Variants in PARD3 observed in about 807,000 individuals in gnomAD.
The protein encoded by PARD3 is par-3 family cell polarity regulator, also known as partitioning defective 3 homolog.
A neutral mutation model predicts 155.4 loss-of-function variants in PARD3; 75 were observed. The observed-to-expected ratio is 0.48, with a 90% CI of 0.40 to 0.58. The LOEUF is 0.58. Ranked by LOEUF, PARD3 falls within the 20% of genes least tolerant of loss-of-function variation. PARD3 has a pLI of 0.00. For synonymous variants in PARD3, 576 were observed against 610.5 expected (o/e 0.94, Z 0.83); for missense variants, 1,642 against 1,721.7 (o/e 0.95, Z 0.82).
At chr10:34,468,122 T>C (rs1228079144) in intron 4 of PARD3, among the ~76,000 whole-genome samples, 5 of 152,058 alleles carry the variant, frequency 3.3e-5, no homozygotes, top group African/African-American at 2.4e-5. Flanking sequence ...TTCAGGCCCC[T>C]GGACTGCAGC....
chr10:34,240,542 T>G (rs1366745760), intron 22 of PARD3, among the ~76,000 whole-genome samples: 1 of 152,174 alleles, frequency 6.6e-6, no homozygotes, highest in Admixed American at 6.5e-5. Flanking sequence ...TCAGAAGGCA[T>G]GTGAAATTCT....
At chr10:34,770,373 C>A (rs1389026506) in intron 1 of PARD3, among the ~76,000 whole-genome samples, 1 of 152,218 alleles carries the variant, frequency 6.6e-6, no homozygotes, top group Non-Finnish European at 1.5e-5. Flanking sequence ...GGAGATGACA[C>A]CTCGAGCCCT....
chr10:34,473,717 T>C (rs1214949524), intron 3 of PARD3, among the ~76,000 whole-genome samples: 3 of 152,216 alleles, frequency 2.0e-5, no homozygotes, highest in African/African-American at 4.8e-5. Flanking sequence ...ACTACTGCCA[T>C]GGCAACACCT....
chr10:34,131,730 T>C, intron 22 of PARD3, 147 bp from the exon 23 acceptor site: 3 of 687,686 alleles, frequency 4.4e-6, no homozygotes, highest in Non-Finnish European at 7.4e-6. Flanking sequence ...ATTTAAAATA[T>C]GTTTTCATTT....
At chr10:34,377,936 C>A in intron 10 of PARD3, 31 bp downstream of exon 10, 1 of 1,477,110 alleles carries the variant, frequency 6.8e-7, no homozygotes, top group South Asian at 1.4e-5. Flanking sequence ...TTTCAAGAAT[C>A]AGGGAACATC....
chr10:34,459,712 C>T (rs546353019), intron 4 of PARD3, among the ~76,000 whole-genome samples: 9 of 151,670 alleles, frequency 5.9e-5, no homozygotes, highest in African/African-American at 2.2e-4. Context: ...AAATATTTTT[C>T]GTCTGAATTT....
Position 34,610,080 on chromosome 10 carries a change from A to C in PARD3, c.222+86238T>G, listed in dbSNP as rs536123002. ...CCTTTTATTGAAGCTCTGGTTATTC[A>C]TGATAGATTCATCCACATCTACTCT... On this transcript the variant is annotated intron_variant, in intron 2 of 24. Transcript: ENST00000374788. Among the ~76,000 whole-genome samples the C allele has an allele frequency of 1.2e-4, 19 of 152,326 alleles. 1 individual carries two copies. The East Asian group carries it at 3.7e-3, about 29-fold the overall frequency.
chr10:34,499,772 G>C (rs1455755264), intron 3 of PARD3, among the ~76,000 whole-genome samples: 1 of 152,192 alleles, frequency 6.6e-6, no homozygotes, highest in African/African-American at 2.4e-5. Context: ...ACAGGGCTGA[G>C]AAGAAAGGAG....
At chr10:34,218,361 C>T (rs942278788) in intron 22 of PARD3, among the ~76,000 whole-genome samples, 2 of 152,046 alleles carry the variant, frequency 1.3e-5, no homozygotes, top group Admixed American at 6.5e-5. Context: ...ATCTCATAAT[C>T]AACTTCTGTT....
chr10:34,683,484 C>G (rs766995927), intron 2 of PARD3, among the ~76,000 whole-genome samples: 2 of 150,674 alleles, frequency 1.3e-5, no homozygotes, highest in Non-Finnish European at 3.0e-5. Flanking sequence ...CAAGTAAAGA[C>G]AGCGTGAAGC....
At chr10:34,272,011 G>C (rs114236003) in intron 21 of PARD3, among the ~76,000 whole-genome samples, 1 of 152,278 alleles carries the variant, frequency 6.6e-6, no homozygotes, top group African/African-American at 2.4e-5. Context: ...ACCTGTGTAA[G>C]ATAGATACGT....
At position 34,154,341 on chromosome 10, in the gene PARD3, C is replaced by G. The variant is rs563213340; in HGVS notation, c.3420-22758G>C. ...GTGTTGGGCAAATACAAGTGAGACC[C>G]TCTCCTCCATCCATGAGTTTGAATG... On this transcript the variant is annotated intron_variant, in intron 22 of 24. Transcript: ENST00000374788. Among the ~76,000 whole-genome samples the G allele has an allele frequency of 4.6e-5, 7 of 152,260 alleles. No individual in the cohort carries two copies. The East Asian group carries it at 1.4e-3, about 29-fold the overall frequency.
At chr10:34,744,842 G>C (rs147911903) in intron 1 of PARD3, among the ~76,000 whole-genome samples, 22 of 152,238 alleles carry the variant, frequency 1.4e-4, no homozygotes, top group African/African-American at 5.3e-4. Context: ...CTGATAAGAG[G>C]GGAGATTAGA....
At chr10:34,267,386 G>T (rs1302202220) in intron 22 of PARD3, among the ~76,000 whole-genome samples, 1 of 152,160 alleles carries the variant, frequency 6.6e-6, no homozygotes, top group African/African-American at 2.4e-5. Flanking sequence ...GGTGATCACA[G>T]CAAAGGGGTC....
At chr10:34,791,633 T>TGGGA (rs748393697) in intron 1 of PARD3, among the ~76,000 whole-genome samples, 4 of 152,044 alleles carry the variant, frequency 2.6e-5, no homozygotes, top group Non-Finnish European at 5.9e-5. Context: ...CCCAGTGCCT[T>TGGGA]GGGAGGCCCA....
intron 4 of PARD3, among the ~76,000 whole-genome samples, chr10:34,459,917 G>C (rs1194418671): frequency 2.6e-5 from 4 of 152,106 alleles, no homozygotes; most frequent in African/African-American, 9.7e-5. Context: ...AAAGTCCCTA[G>C]GTACAGTCTA....
chr10:34,365,733 G>C (rs549515473), intron 12 of PARD3, among the ~76,000 whole-genome samples: 2 of 152,090 alleles, frequency 1.3e-5, no homozygotes, highest in South Asian at 4.1e-4. Context: ...GACTAAAGGC[G>C]TGAGCCACTA....
chr10:34,218,572 C>T (rs1002524339), intron 22 of PARD3, among the ~76,000 whole-genome samples: 4 of 152,138 alleles, frequency 2.6e-5, no homozygotes, highest in South Asian at 2.1e-4. Flanking sequence ...CTGGGAAGGG[C>T]GGGAAATACT....
intron 1 of PARD3, among the ~76,000 whole-genome samples, chr10:34,713,553 A>G (rs1489866061): frequency 6.6e-6 from 1 of 152,114 alleles, no homozygotes; most frequent in Non-Finnish European, 1.5e-5. Context: ...TGAGGCCAGG[A>G]GTTCAAAACC....
Sources: allele counts gnomAD v4.1 joint callset (sites outside exome capture counted in the v4.1 genomes callset), GRCh38; gene constraint gnomAD v4.1.1; transcripts MANE v1.5; gene names NCBI Gene and HGNC (gene_info 2026-07-23, HGNC 2026-07-21).